The following OSTN variants were observed in gnomAD, a reference collection of about 807,000 sequenced individuals.
The protein encoded by OSTN is osteocrin.
OSTN carries 9 observed loss-of-function variants against 12.0 expected under a neutral mutation model. The ratio of observed to expected loss-of-function variants is 0.75; its 90% CI spans 0.45 to 1.30. OSTN has a LOEUF of 1.30. Ranked by LOEUF, OSTN falls within the 50% of genes most tolerant of loss-of-function variation. The pLI, the probability that OSTN is intolerant of heterozygous loss-of-function variation, is 0.00. For synonymous variants in OSTN, 59 were observed against 56.9 expected (o/e 1.04, Z -0.16); for missense variants, 148 against 152.3 (o/e 0.97, Z 0.15).
intron 3 of OSTN, among the ~76,000 whole-genome samples, chr3:191,228,987 C>G (rs1460037787): frequency 6.6e-6 from 1 of 152,070 alleles, no homozygotes; most frequent in Admixed American, 6.5e-5. Context: ...GTAATAGAAC[C>G]CAGCACTACC....
intron 3 of OSTN, among the ~76,000 whole-genome samples, chr3:191,234,392 T>C (rs892067873): frequency 7.9e-5 from 12 of 152,112 alleles, no homozygotes; most frequent in African/African-American, 2.4e-4. Context: ...GAGTTTCAGA[T>C]GCCTTGAGAA....
At position 191,264,199 on chromosome 3, in the gene OSTN, T is replaced by A. The variant is rs1017118842; in HGVS notation, c.*1346T>A. On this transcript the variant is annotated 3_prime_UTR_variant, in exon 5 of 5. Transcript: ENST00000682035. ...ATTGCTAATCTTAACTAAAAATTAA[T>A]GGACTTGTATGATCCAAAGAATAAA... 20 of 152,162 alleles carry A rather than the reference T, an allele frequency of 1.3e-4. No individual in the cohort carries two copies. The highest frequency in any genetic ancestry group is 4.6e-4 in the African/African-American group (19 of 41,562). 9.4% of individuals were successfully genotyped at this position (152,162 alleles called of 1,614,324 possible). A position where few individuals can be genotyped will look rare whatever the true frequency, so the allele number is the denominator to read the frequency against.
chr3:191,262,289 C>G (rs1182443830), intron 4 of OSTN, among the ~76,000 whole-genome samples: 3 of 152,198 alleles, frequency 2.0e-5, no homozygotes, highest in Non-Finnish European at 4.4e-5. Flanking sequence ...TTTTCTTCCA[C>G]TAATGTGAGA....
intron 2 of OSTN, among the ~76,000 whole-genome samples, chr3:191,214,649 GC>G (rs1297311590): frequency 6.6e-6 from 1 of 151,978 alleles, no homozygotes; most frequent in African/African-American, 2.4e-5. Flanking sequence ...TGATTAAAGG[GC>G]TTGAAAATGC....
chr3:191,242,380 T>C (rs1342893588), intron 3 of OSTN, among the ~76,000 whole-genome samples: 1 of 152,208 alleles, frequency 6.6e-6, no homozygotes, highest in Non-Finnish European at 1.5e-5. Context: ...CATAAAGATT[T>C]CAATTCTTCC....
chr3:191,214,687 G>T (rs1002307195), intron 2 of OSTN, among the ~76,000 whole-genome samples: 1 of 152,146 alleles, frequency 6.6e-6, no homozygotes, highest in African/African-American at 2.4e-5. Flanking sequence ...TGGAGAAAAT[G>T]AAGAGAACAG....
In OSTN at chr3:191,239,261, G is replaced by A. The variant is rs183787379; in HGVS notation, c.318-10776G>A. ...CAAGGGCCCTGTTATGGAATTTTGA[G>A]GGGTTTTAAATACCCTCTAGAGGAT... On this transcript the variant is annotated intron_variant, in intron 3 of 4. Coordinates refer to ENST00000682035, the MANE Select transcript of OSTN (RefSeq NM_198184.2). Among the ~76,000 whole-genome samples, 442 of 152,314 alleles carry A rather than the reference G, an allele frequency of 2.9e-3. 1 individual carries two copies. Among genetic ancestry groups the A allele is most frequent in the Non-Finnish European group, 5.3e-3 (361 of 68,024 alleles).
intron 3 of OSTN, among the ~76,000 whole-genome samples, chr3:191,224,436 A>T (rs975275872): frequency 6.6e-6 from 1 of 152,022 alleles, no homozygotes; most frequent in Non-Finnish European, 1.5e-5. Context: ...ATTGTTTAAA[A>T]TCCAAGACCG....
intron 1 of OSTN, among the ~76,000 whole-genome samples, chr3:191,201,343 C>T (rs149360807): frequency 1.3e-5 from 2 of 152,086 alleles, no homozygotes; most frequent in Non-Finnish European, 2.9e-5. Context: ...TCTCTCTGAG[C>T]CTCACTTTCT....
At chr3:191,246,912 T>C (rs1715447159) in intron 3 of OSTN, among the ~76,000 whole-genome samples, 1 of 152,212 alleles carries the variant, frequency 6.6e-6, no homozygotes, top group Non-Finnish European at 1.5e-5. Context: ...GCAACTTTTA[T>C]AGACTGGTGA....
At chr3:191,261,811 A>C (rs1041642257) in intron 4 of OSTN, among the ~76,000 whole-genome samples, 3 of 152,262 alleles carry the variant, frequency 2.0e-5, no homozygotes, top group African/African-American at 7.2e-5. Context: ...AGCTCTAAGC[A>C]ACTCAAATTC....
At chr3:191,262,811 A>C (rs1339067318) in intron 4 of OSTN, 55 bp from the exon 5 acceptor site, 4 of 697,860 alleles carry the variant, frequency 5.7e-6, no homozygotes, top group Admixed American at 2.0e-5. Flanking sequence ...ATGGACTTCC[A>C]CCTGATCTAC....
At chr3:191,214,094 A>T (rs970513860) in intron 2 of OSTN, among the ~76,000 whole-genome samples, 43 of 152,288 alleles carry the variant, frequency 2.8e-4, no homozygotes, top group Admixed American at 1.8e-3. Context: ...GGTATTGGGG[A>T]TAACTAACTT....
chr3:191,253,936 G>T (rs1715617416), intron 4 of OSTN, among the ~76,000 whole-genome samples: 1 of 152,186 alleles, frequency 6.6e-6, no homozygotes. Flanking sequence ...CATATTAAAA[G>T]CCAAACTAAC....
At chr3:191,204,892 C>T (rs1289241582) in intron 1 of OSTN, among the ~76,000 whole-genome samples, 26 of 152,158 alleles carry the variant, frequency 1.7e-4, no homozygotes, top group Admixed American at 1.7e-3. Context: ...TGGCTTCAAA[C>T]ATCTGCCTTC....
At chr3:191,259,129 T>C (rs1715742032) in intron 4 of OSTN, among the ~76,000 whole-genome samples, 1 of 152,144 alleles carries the variant, frequency 6.6e-6, no homozygotes, top group African/African-American at 2.4e-5. Flanking sequence ...CTAGACCTTT[T>C]CCTGTGGTAC....
chr3:191,235,042 G>C (rs1034401901), intron 3 of OSTN, among the ~76,000 whole-genome samples: 2 of 152,094 alleles, frequency 1.3e-5, no homozygotes, highest in Non-Finnish European at 2.9e-5. Context: ...CCAGAATATT[G>C]TTATTATACC....
intron 1 of OSTN, among the ~76,000 whole-genome samples, chr3:191,201,018 G>A (rs1218800117): frequency 6.6e-6 from 1 of 152,108 alleles, no homozygotes; most frequent in Non-Finnish European, 1.5e-5. Flanking sequence ...ACAACAAGGT[G>A]CTAACTCTGG....
intron 3 of OSTN, among the ~76,000 whole-genome samples, chr3:191,249,389 G>A (rs1179964399): frequency 6.6e-6 from 1 of 152,138 alleles, no homozygotes; most frequent in Non-Finnish European, 1.5e-5. Flanking sequence ...ATATAAGCTG[G>A]AAGTTATATT....
Sources: allele counts gnomAD v4.1 joint callset (sites outside exome capture counted in the v4.1 genomes callset), GRCh38; gene constraint gnomAD v4.1.1; transcripts MANE v1.5; gene names NCBI Gene and HGNC (gene_info 2026-07-23, HGNC 2026-07-21).